The following MEGF10 variants were observed in gnomAD, a reference collection of about 807,000 sequenced individuals.
MEGF10 encodes multiple EGF like domains 10, also known as multiple epidermal growth factor-like domains protein 10.
MEGF10 carries 86 observed loss-of-function variants against 147.5 expected under a neutral mutation model. The ratio of observed to expected loss-of-function variants is 0.58; its 90% CI spans 0.49 to 0.70. The LOEUF is 0.70. MEGF10 is among the 30% of genes least tolerant of loss of function. The pLI is 0.00. For synonymous variants in MEGF10, 478 were observed against 525.5 expected (o/e 0.91, Z 1.24); for missense variants, 1,329 against 1,487.3 (o/e 0.89, Z 1.75).
At chr5:127,395,079 T>C (rs371614791) in intron 5 of MEGF10, among the ~76,000 whole-genome samples, 13 of 152,222 alleles carry the variant, frequency 8.5e-5, no homozygotes, top group East Asian at 7.7e-4. Context: ...AAACTTTTTT[T>C]TAATTGTAAA....
chr5:127,404,370 G>A (rs1241998226), intron 8 of MEGF10, among the ~76,000 whole-genome samples: 1 of 151,922 alleles, frequency 6.6e-6, no homozygotes, highest in Non-Finnish European at 1.5e-5. Context: ...CATTAGGTTG[G>A]TGCAAAAGTA....
chr5:127,417,883 A>G (rs1764837269), intron 10 of MEGF10, 71 bp downstream of exon 10: 3 of 1,479,754 alleles, frequency 2.0e-6, no homozygotes, highest in East Asian at 2.3e-5. Context: ...CATGATTTAT[A>G]TGACCTCCAG....
At chr5:127,451,854 C>A (rs542226583) in intron 22 of MEGF10, among the ~76,000 whole-genome samples, 1 of 152,218 alleles carries the variant, frequency 6.6e-6, no homozygotes, top group East Asian at 1.9e-4. Context: ...CAGAGTCAGG[C>A]ATGTTATGGA....
Position 127,445,650 on chromosome 5 carries a change from C to T in MEGF10, c.2685C>T (p.Tyr895=). The T allele has an allele frequency of 6.2e-7, 1 of 1,614,086 alleles. No homozygotes were observed. Among genetic ancestry groups the T allele is most frequent in the Non-Finnish European group, 8.5e-7 (1 of 1,179,998 alleles). ...GKESSMPAVT[Y]TPAMRVVNAD... ...AATCAAGCATGCCAGCAGTTACCTA[C>T]ACCCCTGCTATGAGGGTCGTCAATG... The change falls in exon 20 of 25, where the codon TAC becomes TAT. Residue 895 remains tyrosine (Y), a synonymous_variant. Transcript: ENST00000503335.
chr5:127,457,700 T>C lies in MEGF10; in HGVS notation c.*382T>C, dbSNP rs1344201719. 8.9e-6 allele frequency: 2 copies of C among 224,762 alleles called. No individual in the cohort carries two copies. The highest frequency in any genetic ancestry group is 1.8e-5 in the Non-Finnish European group (2 of 112,636). The allele number at this position is 224,762 out of a possible 1,614,324, so 13.9% of individuals were successfully genotyped here. ...TTCTCTCTCATTTGCATCATACAGC[T>C]CTACCTAGGATTGTACAGTTTACCA... is the stretch of plus-strand genomic sequence containing the variant. On this transcript the variant is annotated 3_prime_UTR_variant, in exon 25 of 25. Coordinates refer to ENST00000503335, the MANE Select transcript of MEGF10 (RefSeq NM_001256545.2).
chr5:127,247,704 G>C, the MEGF10 span, among the ~76,000 whole-genome samples: 1 of 152,044 alleles, frequency 6.6e-6, no homozygotes, highest in Non-Finnish European at 1.5e-5. Context: ...CATGAGGCAA[G>C]CACCACATTT....
At chr5:127,303,228 C>T (rs984665164) in intron 1 of MEGF10, among the ~76,000 whole-genome samples, 2 of 150,004 alleles carry the variant, frequency 1.3e-5, no homozygotes, top group Non-Finnish European at 3.0e-5. Context: ...CCCAGCTACT[C>T]GGGAGGCTGA....
At chr5:127,303,920 A>G (rs1444519869) in intron 1 of MEGF10, among the ~76,000 whole-genome samples, 1 of 152,226 alleles carries the variant, frequency 6.6e-6, no homozygotes, top group African/African-American at 2.4e-5. Context: ...TAATTGAGAA[A>G]ATAAATGAAA....
chr5:127,426,361 G>C (rs1021553106), intron 13 of MEGF10, among the ~76,000 whole-genome samples: 1 of 152,144 alleles, frequency 6.6e-6, no homozygotes, highest in African/African-American at 2.4e-5. Flanking sequence ...TAAAAGTTGT[G>C]TTTGACATTT....
chr5:127,426,869 C>T (rs1580857019), intron 13 of MEGF10, among the ~76,000 whole-genome samples: 1 of 152,138 alleles, frequency 6.6e-6, no homozygotes, highest in South Asian at 2.1e-4. Context: ...GTGCAGTGTC[C>T]GGCCTCATTC....
intron 5 of MEGF10, among the ~76,000 whole-genome samples, chr5:127,375,891 T>C (rs1282956533): frequency 6.6e-6 from 1 of 152,258 alleles, no homozygotes; most frequent in Non-Finnish European, 1.5e-5. Flanking sequence ...TTGTGAACTT[T>C]CATTGAATGA....
chr5:127,242,693 T>C, the MEGF10 span, among the ~76,000 whole-genome samples: 5 of 152,186 alleles, frequency 3.3e-5, no homozygotes, highest in African/African-American at 9.6e-5. Context: ...GTTTATTAGG[T>C]AAACTGCATA....
chr5:127,343,636 A>G (rs1761767004), intron 4 of MEGF10, among the ~76,000 whole-genome samples: 1 of 152,100 alleles, frequency 6.6e-6, no homozygotes, highest in Non-Finnish European at 1.5e-5. Flanking sequence ...GAAAATTGTC[A>G]GGGATATGTT....
At chr5:127,359,916 T>G (rs758938902) in intron 4 of MEGF10, among the ~76,000 whole-genome samples, 4 of 152,240 alleles carry the variant, frequency 2.6e-5, no homozygotes, top group East Asian at 3.9e-4. Context: ...GCTGAACCAC[T>G]TGGTAGTTGA....
chr5:127,353,036 G>T (rs75415702), intron 4 of MEGF10, among the ~76,000 whole-genome samples: 534 of 152,318 alleles, frequency 3.5e-3, no homozygotes, highest in Non-Finnish European at 6.3e-3. Context: ...TCAACTGTCT[G>T]CAGTTTGCAG....
In MEGF10 at chr5:127,307,096, G is replaced by A. The variant is rs948966422; in HGVS notation, c.-19+16040G>A. Among the ~76,000 whole-genome samples the A allele has an allele frequency of 4.6e-5, 7 of 152,246 alleles. No individual in the cohort carries two copies. The East Asian group carries it at 1.4e-3, about 29-fold the overall frequency. ...ACAACAACAAAGAAATCCTTCCGGA[G>A]TGAAAGGAGCACGCTTCTCCCCTAG... On this transcript the variant is annotated intron_variant, in intron 1 of 24. Coordinates refer to ENST00000503335, the MANE Select transcript of MEGF10 (RefSeq NM_001256545.2).
intron 14 of MEGF10, 113 bp from the exon 15 acceptor site, chr5:127,434,574 C>T: frequency 8.4e-7 from 1 of 1,192,598 alleles, no homozygotes; most frequent in South Asian, 2.0e-5. Flanking sequence ...ATCTTTTTTA[C>T]TTTTTTTTAA....
Position 127,442,391 on chromosome 5 carries a change from T to C in MEGF10, c.2363-607T>C, listed in dbSNP as rs374640114. Among the ~76,000 whole-genome samples, 45 of 152,338 alleles carry C rather than the reference T, an allele frequency of 3.0e-4. No homozygotes were observed. In the East Asian group the frequency reaches 6.9e-3, roughly 23 times the overall value. ...CTTTGAAATTCATGCCTAACTCTTA[T>C]TAAGACCGCATAGTAAGAATCCTAT... On this transcript the variant is annotated intron_variant, in intron 18 of 24. Coordinates refer to ENST00000503335, the MANE Select transcript of MEGF10 (RefSeq NM_001256545.2).
At chr5:127,260,824 G>T in the MEGF10 span, among the ~76,000 whole-genome samples, 33 of 152,190 alleles carry the variant, frequency 2.2e-4, no homozygotes, top group Non-Finnish European at 4.3e-4. Flanking sequence ...GAGAAAATAT[G>T]ATGTTAGTCA....
Sources: allele counts gnomAD v4.1 joint callset (sites outside exome capture counted in the v4.1 genomes callset), GRCh38; gene constraint gnomAD v4.1.1; transcripts MANE v1.5; gene names NCBI Gene and HGNC (gene_info 2026-07-23, HGNC 2026-07-21).